Variants in LRRC17 observed in about 807,000 individuals in gnomAD.
LRRC17 encodes the protein leucine-rich repeat-containing protein 17.
LRRC17 carries 33 observed loss-of-function variants against 41.5 expected under a neutral mutation model. That is an observed-to-expected ratio of 0.80 (90% confidence interval 0.60 to 1.06). The LOEUF (loss-of-function observed/expected upper bound fraction) is 1.06, where lower values mean the gene tolerates loss of function less well. Among genes scored for constraint, LRRC17 ranks in the 50% least tolerant of loss-of-function variants. LRRC17 has a pLI of 0.00. For synonymous variants in LRRC17, 192 were observed against 197.0 expected (o/e 0.97, Z 0.21); for missense variants, 491 against 519.3 (o/e 0.95, Z 0.53).
At chr7:102,926,273 C>T in intron 1 of LRRC17, 1 of 1,612,282 alleles carries the variant, frequency 6.2e-7, no homozygotes. Flanking sequence ...ACAAACATTA[C>T]CTCGGCAGGA....
At chr7:102,940,293 T>A (rs1821162028) in intron 3 of LRRC17, among the ~76,000 whole-genome samples, 1 of 151,386 alleles carries the variant, frequency 6.6e-6, no homozygotes, top group Admixed American at 6.6e-5. Context: ...CACTGCAAGC[T>A]CCGCCTCCCA....
chr7:102,937,997 G>C (rs930334516), intron 2 of LRRC17, among the ~76,000 whole-genome samples: 1 of 152,156 alleles, frequency 6.6e-6, no homozygotes, highest in Admixed American at 6.5e-5. Flanking sequence ...AGACCTCAAT[G>C]ATCACTATGT....
At position 102,928,958 on chromosome 7, in the gene LRRC17, T is replaced by C. The variant is rs143743074; in HGVS notation, c.-140-4816T>C. On this transcript the variant is annotated intron_variant, in intron 1 of 3. Coordinates refer to ENST00000339431, the MANE Select transcript of LRRC17 (RefSeq NM_001031692.3). Reference sequence around the variant, plus strand: ...TGTCTATGCCTCCATTTCTTGCGGATGACCCTGAAGGGTACTTTTGAACAT... The same window carrying C: ...TGTCTATGCCTCCATTTCTTGCGGACGACCCTGAAGGGTACTTTTGAACAT... Among the ~76,000 whole-genome samples, 565 of 152,336 alleles carry C rather than the reference T, an allele frequency of 3.7e-3. 5 individuals are homozygous for C. Among genetic ancestry groups the C allele is most frequent in the African/African-American group, 0.013 (558 of 41,578 alleles).
chr7:102,925,940 CAAAA>C (rs66682276), intron 1 of LRRC17, among the ~76,000 whole-genome samples: 2 of 101,014 alleles, frequency 2.0e-5, no homozygotes, highest in Admixed American at 9.9e-5. Context: ...GACTCTGTCT[CAAAA>C]AAAAAAAAAA....
intron 3 of LRRC17, among the ~76,000 whole-genome samples, chr7:102,943,537 G>A (rs1004675030): frequency 2.0e-5 from 3 of 152,064 alleles, no homozygotes; most frequent in Non-Finnish European, 2.9e-5. Flanking sequence ...AGGTAGTAAC[G>A]AAAGAAACAC....
rs766352901 is a variant in LRRC17 at position 102,926,363 on chromosome 7, C to T, written c.-140-7411C>T. 1.9e-5 allele frequency: 30 copies of T among 1,612,976 alleles called. No individual in the cohort carries two copies. The South Asian group carries it at 3.0e-4, about 16-fold the overall frequency. On this transcript the variant is annotated intron_variant, in intron 1 of 3. Transcript: ENST00000339431. ...CCGGGCAGCCCTCAGAAATGTGTCTCATTGATTCATCCTGCATGAAAAACA... is the reference window on the plus strand; with the variant it reads ...CCGGGCAGCCCTCAGAAATGTGTCTTATTGATTCATCCTGCATGAAAAACA...
intron 1 of LRRC17, among the ~76,000 whole-genome samples, chr7:102,918,853 T>C (rs1816427287): frequency 6.6e-6 from 1 of 152,232 alleles, no homozygotes; most frequent in Admixed American, 6.5e-5. Context: ...TATAATACTC[T>C]TTTTCTATGT....
chr7:102,944,298 G>A lies in LRRC17; in HGVS notation c.1017G>A (p.Leu339=). ...QNFDYGVLED[L]YFLKLLWLRD... ...TTGACTATGGCGTATTAGAAGACTT[G>A]TATTTTTTGAAACTCTTGTGGCTCA... The change falls in exon 4 of 4, where the codon TTG becomes TTA. Residue 339 remains leucine, a synonymous_variant. Coordinates refer to ENST00000339431, the MANE Select transcript of LRRC17 (RefSeq NM_001031692.3). 2.5e-6 allele frequency: 4 copies of A among 1,613,950 alleles called. No homozygotes were observed. The highest frequency in any genetic ancestry group is 3.4e-6 in the Non-Finnish European group (4 of 1,179,922).
At chr7:102,937,794 C>T (rs1209270875) in intron 2 of LRRC17, among the ~76,000 whole-genome samples, 1 of 152,108 alleles carries the variant, frequency 6.6e-6, no homozygotes, top group African/African-American at 2.4e-5. Flanking sequence ...TGAAAATACA[C>T]AGAAGTTAAA....
Position 102,934,647 on chromosome 7 carries a change from A to G in LRRC17, c.734A>G (p.Tyr245Cys), listed in dbSNP as rs1266225701. ...GTGGACTCAACTTTTTGCCACAATT[A>G]TGTGTTTCCCATACAAACACTGGAC... is the stretch of plus-strand genomic sequence containing the variant. The part of the protein sequence containing the change: ...PEVDSTFCHN[Y>C]VFPIQTLDCK... Residue 245 changes from tyrosine to cysteine, a missense_variant, in exon 2 of 4, where the codon TAT (tyrosine) becomes TGT (cysteine). By Grantham distance (194) the Tyr-to-Cys change is radical. Transcript: ENST00000339431. 7.5e-6 allele frequency: 12 copies of G among 1,605,394 alleles called. No homozygotes were observed. In the East Asian group the frequency reaches 2.0e-4, roughly 27 times the overall value.
At chr7:102,939,319 C>T in intron 2 of LRRC17, 111 bp from the exon 3 acceptor site, 1 of 869,882 alleles carries the variant, frequency 1.1e-6, no homozygotes. Flanking sequence ...TTTAGATATC[C>T]CTTTACCCCT....
chr7:102,922,868 C>T (rs891786633), intron 1 of LRRC17, among the ~76,000 whole-genome samples: 2 of 152,044 alleles, frequency 1.3e-5, no homozygotes, highest in Non-Finnish European at 2.9e-5. Context: ...GTCCCAGCTA[C>T]TCAGGAGGCT....
At chr7:102,922,895 A>G (rs1018947008) in intron 1 of LRRC17, among the ~76,000 whole-genome samples, 1 of 151,876 alleles carries the variant, frequency 6.6e-6, no homozygotes, top group Non-Finnish European at 1.5e-5. Flanking sequence ...GGAGAATGGC[A>G]TGAACCCGGG....
chr7:102,935,248 T>C (rs1820092349), intron 2 of LRRC17, among the ~76,000 whole-genome samples: 4 of 36,386 alleles, frequency 1.1e-4, no homozygotes, highest in South Asian at 1.4e-3. Context: ...CTTTCTTTTT[T>C]TTTTTTTTTT....
At chr7:102,943,708 G>A (rs1406933828) in intron 3 of LRRC17, among the ~76,000 whole-genome samples, 1 of 152,084 alleles carries the variant, frequency 6.6e-6, no homozygotes, top group Non-Finnish European at 1.5e-5. Context: ...TTACATATAC[G>A]TTTTCAGGAC....
At position 102,939,452 on chromosome 7, in the gene LRRC17, C is replaced by T; in HGVS notation, c.795C>T (p.Asn265=). The T allele has an allele frequency of 6.2e-7, 1 of 1,608,356 alleles. No homozygotes were observed. The highest frequency in any genetic ancestry group is 1.1e-5 in the South Asian group (1 of 90,140). Residue 265 remains asparagine (N), a synonymous_variant, in exon 3 of 4, where the codon AAC becomes AAT. Transcript: ENST00000339431. ...CAGAGTTGAAAAAAGTGCCAAACAACATCCCTCCAGATATTGTTAAACTTG... is the reference window on the plus strand; with the variant it reads ...CAGAGTTGAAAAAAGTGCCAAACAATATCCCTCCAGATATTGTTAAACTTG... The part of the protein sequence containing the change: ...KRKELKKVPN[N]IPPDIVKLDL...
chr7:102,939,003 C>T (rs558308407), intron 2 of LRRC17, among the ~76,000 whole-genome samples: 2 of 152,160 alleles, frequency 1.3e-5, no homozygotes, highest in East Asian at 1.9e-4. Flanking sequence ...ACATTTTTTT[C>T]GACCCATTTA....
intron 1 of LRRC17, among the ~76,000 whole-genome samples, chr7:102,916,140 C>T (rs375002554): frequency 1.3e-5 from 2 of 152,048 alleles, no homozygotes; most frequent in Non-Finnish European, 2.9e-5. Flanking sequence ...CCCACCACGA[C>T]GCCTGGCTAA....
chr7:102,924,902 T>C (rs143569119), intron 1 of LRRC17, among the ~76,000 whole-genome samples: 7,215 of 152,240 alleles, frequency 0.047, 264 homozygotes, highest in South Asian at 0.13. Context: ...GTGCTGGGAT[T>C]ACAGGCGTGA....
Sources: allele counts gnomAD v4.1 joint callset (sites outside exome capture counted in the v4.1 genomes callset), GRCh38; gene constraint gnomAD v4.1.1; transcripts MANE v1.5; gene names NCBI Gene and HGNC (gene_info 2026-07-23, HGNC 2026-07-21).